The following ZSCAN5A variants were observed in gnomAD, a reference collection of about 807,000 sequenced individuals.
ZSCAN5A encodes the protein zinc finger and SCAN domain-containing protein 5A.
Under a neutral mutation model 23.7 loss-of-function variants are expected in ZSCAN5A, and 12 were observed. The observed-to-expected ratio is 0.51, with a 90% CI of 0.32 to 0.82. ZSCAN5A has a LOEUF of 0.82. ZSCAN5A is among the 40% of genes least tolerant of loss of function. The pLI is 0.03. For missense variants in ZSCAN5A, 597 were observed against 617.9 expected (o/e 0.97, Z 0.36); for synonymous variants, 257 against 239.9 (o/e 1.07, Z -0.66).
intron 2 of ZSCAN5A, chr19:56,244,239 C>G (rs1361709625): frequency 1.9e-6 from 3 of 1,603,038 alleles, no homozygotes; most frequent in Non-Finnish European, 2.6e-6. Context: ...AGGAAACTCA[C>G]TGAGCTGTGC....
intron 2 of ZSCAN5A, among the ~76,000 whole-genome samples, chr19:56,281,510 T>C (rs2038704954): frequency 6.6e-6 from 1 of 152,160 alleles, no homozygotes; most frequent in Non-Finnish European, 1.5e-5. Flanking sequence ...ACAAACTACA[T>C]AAAAATAGCG....
intron 2 of ZSCAN5A, among the ~76,000 whole-genome samples, chr19:56,251,096 G>A (rs2036304170): frequency 6.7e-6 from 1 of 149,804 alleles, no homozygotes; most frequent in East Asian, 2.0e-4. Context: ...ATTGCAGTGA[G>A]CCAAGATCGT....
intron 2 of ZSCAN5A, among the ~76,000 whole-genome samples, chr19:56,249,731 T>C (rs1187677007): frequency 6.6e-6 from 1 of 152,224 alleles, no homozygotes; most frequent in Non-Finnish European, 1.5e-5. Flanking sequence ...CCTATTTTAT[T>C]GAGACCTCCT....
chr19:56,225,293 T>C (rs1411909964), intron 2 of ZSCAN5A, 120 bp from the exon 3 acceptor site: 2 of 908,892 alleles, frequency 2.2e-6, no homozygotes, highest in African/African-American at 3.4e-5. Flanking sequence ...ACAGTGGAAA[T>C]CTTCCAGTGT....
chr19:56,246,098 A>G (rs894252049), intron 2 of ZSCAN5A, among the ~76,000 whole-genome samples: 1 of 152,134 alleles, frequency 6.6e-6, no homozygotes, highest in Non-Finnish European at 1.5e-5. Flanking sequence ...CAGGCACAGG[A>G]GCTGATTTAG....
chr19:56,223,491 T>C (rs893642272), intron 4 of ZSCAN5A, 140 bp downstream of exon 4: 10 of 860,876 alleles, frequency 1.2e-5, no homozygotes, highest in South Asian at 1.1e-4. Context: ...CAGGAATGAA[T>C]GTTTGGGGAT....
intron 2 of ZSCAN5A, among the ~76,000 whole-genome samples, chr19:56,300,959 CAT>C (rs1295159561): frequency 3.3e-5 from 5 of 152,214 alleles, no homozygotes; most frequent in South Asian, 2.1e-4. Context: ...TGCTGGCACT[CAT>C]GTGGGAGATG....
intron 2 of ZSCAN5A, among the ~76,000 whole-genome samples, chr19:56,240,904 T>C (rs2146614377): frequency 6.6e-6 from 1 of 152,314 alleles, no homozygotes. Context: ...AGATGGGGTC[T>C]CGGTATGTTG....
chr19:56,269,850 C>G (rs2037723596), intron 2 of ZSCAN5A, among the ~76,000 whole-genome samples: 1 of 152,166 alleles, frequency 6.6e-6, no homozygotes, highest in South Asian at 2.1e-4. Context: ...TTTACCAAGG[C>G]TTTTCACTCT....
At position 56,264,330 on chromosome 19, in the gene ZSCAN5A, G is replaced by A. The variant is rs546410626; in HGVS notation, c.-127-39157C>T. Among the ~76,000 whole-genome samples, 4 of 152,228 alleles carry A rather than the reference G, an allele frequency of 2.6e-5. No individual in the cohort carries two copies. The South Asian group carries it at 8.3e-4, about 32-fold the overall frequency. ...TTTTGGACACTATCTCAGGGTAAGG[G>A]AGTAGCAGGATTGGGATTTACACCT... On this transcript the variant is annotated intron_variant, in intron 2 of 5. Coordinates refer to ENST00000683990, the MANE Select transcript of ZSCAN5A (RefSeq NM_001322064.3).
Position 56,246,806 on chromosome 19 carries a change from C to G in ZSCAN5A, c.-127-21633G>C, listed in dbSNP as rs1373444674. On this transcript the variant is annotated intron_variant, in intron 2 of 5. Coordinates refer to ENST00000683990, the MANE Select transcript of ZSCAN5A (RefSeq NM_001322064.3). ...GTCGAAAATGTGGATGCTGACACAC[C>G]TTCTGCCTGCGTTGTGGAGAGAGAA... 7 of 1,610,416 alleles carry G rather than the reference C, an allele frequency of 4.3e-6. No individual in the cohort carries two copies. The Admixed American group carries it at 1.2e-4, about 27-fold the overall frequency.
chr19:56,365,834 T>A (rs2041760414), intron 1 of ZSCAN5A: 1 of 152,216 alleles, frequency 6.6e-6, no homozygotes, highest in African/African-American at 2.4e-5. Flanking sequence ...AGTCTGAGAA[T>A]TAAAAACTCC....
intron 2 of ZSCAN5A, among the ~76,000 whole-genome samples, chr19:56,331,235 C>T: frequency 6.6e-6 from 1 of 152,048 alleles, no homozygotes; most frequent in Middle Eastern, 3.2e-3. Flanking sequence ...TGTGATGCTT[C>T]CAGCTTTGTT....
At chr19:56,329,707 CATG>C (rs1192001908) in intron 2 of ZSCAN5A, among the ~76,000 whole-genome samples, 1 of 151,988 alleles carries the variant, frequency 6.6e-6, no homozygotes, top group Non-Finnish European at 1.5e-5. Context: ...AAAAGTTTTT[CATG>C]ATAATTTACT....
intron 2 of ZSCAN5A, among the ~76,000 whole-genome samples, chr19:56,284,513 A>ATTTTTTTTTTTTTTTTTTTTTTTTTT (rs11374260): frequency 8.5e-6 from 1 of 118,318 alleles, no homozygotes; most frequent in Non-Finnish European, 1.7e-5. Context: ...GCTTGCTGTA[A>ATTTTTTTTTTTTTTTTTTTTTTTTTT]TTTTTTTTTT....
chr19:56,282,583 C>T (rs1035159011), intron 2 of ZSCAN5A: 6 of 837,800 alleles, frequency 7.2e-6, no homozygotes, highest in African/African-American at 1.8e-5. Flanking sequence ...CTTCGACTTA[C>T]GTTTCTTCTC....
Position 56,222,026 on chromosome 19 carries a change from C to T in ZSCAN5A, c.1040G>A (p.Gly347Asp). ...GPASPVSHPDGQEAKALPPFA... is the reference protein window; with the variant it reads ...GPASPVSHPDDQEAKALPPFA... Reference sequence around the variant, plus strand: ...GGGCGGCAGTGCCTTGGCTTCTTGGCCATCCGGGTGACTGACTGGGCTCGC... The same window carrying T: ...GGGCGGCAGTGCCTTGGCTTCTTGGTCATCCGGGTGACTGACTGGGCTCGC... Residue 347 changes from glycine (G) to aspartate (D), a missense_variant, in exon 6 of 6, where the codon GGC becomes GAC. Gly to Asp is a moderately conservative substitution (Grantham distance 94). Transcript: ENST00000683990. 3 of 1,614,224 alleles carry T rather than the reference C, an allele frequency of 1.9e-6. No individual in the cohort carries two copies. The highest frequency in any genetic ancestry group is 1.7e-5 in the Admixed American group (1 of 60,016).
At chr19:56,261,755 T>A (rs1346405548) in intron 2 of ZSCAN5A, among the ~76,000 whole-genome samples, 2 of 152,194 alleles carry the variant, frequency 1.3e-5, no homozygotes, top group Non-Finnish European at 2.9e-5. Context: ...TTATTGAAAA[T>A]TTCACATGTA....
chr19:56,246,882 C>A, intron 2 of ZSCAN5A: 1 of 1,609,930 alleles, frequency 6.2e-7, no homozygotes, highest in Non-Finnish European at 8.5e-7. Context: ...TGAGATGTCC[C>A]AAAAGAAGCA....
Sources: gnomAD v4.1 joint callset for allele counts (sites outside exome capture counted in the v4.1 genomes callset) on GRCh38, gnomAD v4.1.1 for gene constraint, MANE v1.5 for transcripts, NCBI Gene and HGNC (gene_info 2026-07-23, HGNC 2026-07-21) for gene names.